The following ATG16L1 variants were observed in gnomAD, a reference collection of about 807,000 sequenced individuals.
ATG16L1 encodes the protein autophagy related 16 like 1.
In ATG16L1, 37 loss-of-function variants were observed where a neutral mutation model predicts 88.5. The ratio of observed to expected loss-of-function variants is 0.42; its 90% CI spans 0.32 to 0.55. The LOEUF is 0.55. ATG16L1 is among the 20% of genes least tolerant of loss of function. The pLI is 0.13. For missense variants in ATG16L1, 554 were observed against 752.8 expected (o/e 0.74, Z 3.09); for synonymous variants, 301 against 281.0 (o/e 1.07, Z -0.71).
chr2:233,282,922 CTT>C (rs985034350), intron 12 of ATG16L1, 169 bp downstream of exon 12: 2 of 593,676 alleles, frequency 3.4e-6, no homozygotes, highest in East Asian at 3.0e-5. Context: ...ACTTTATACT[CTT>C]TGTCCAAAAC....
rs929377300 is a variant in ATG16L1 at position 233,251,739 on chromosome 2, C to T, written c.-89C>T. On this transcript the variant is annotated 5_prime_UTR_variant, in exon 1 of 18. Coordinates refer to ENST00000392017, the MANE Select transcript of ATG16L1 (RefSeq NM_030803.7). Reference sequence around the variant, plus strand: ...GTGAGCTCCGGGATTGCCGGCATTCCCGCTTCTGCTGGTTGCTTCATGCTG... The same window carrying T: ...GTGAGCTCCGGGATTGCCGGCATTCTCGCTTCTGCTGGTTGCTTCATGCTG... The T allele has an allele frequency of 2.6e-5, 32 of 1,243,824 alleles. No individual in the cohort carries two copies. In the African/African-American group the frequency reaches 3.6e-4, roughly 14 times the overall value. 77.0% of individuals were successfully genotyped at this position (1,243,824 alleles called of 1,614,324 possible).
chr2:233,270,498 A>G (rs1163582493), intron 6 of ATG16L1, among the ~76,000 whole-genome samples: 1 of 152,210 alleles, frequency 6.6e-6, no homozygotes, highest in East Asian at 1.9e-4. Flanking sequence ...TGTGTTCATC[A>G]GCTGTGAATG....
intron 8 of ATG16L1, 173 bp from the exon 9 acceptor site, chr2:233,274,503 G>A (rs1698208637): frequency 1.9e-6 from 1 of 527,608 alleles, no homozygotes; most frequent in African/African-American, 1.9e-5. Flanking sequence ...ATTTGAGTGA[G>A]GGTGCTTTTG....
intron 17 of ATG16L1, among the ~76,000 whole-genome samples, 173 bp downstream of exon 17, chr2:233,293,530 A>G (rs546417253): frequency 6.6e-6 from 1 of 152,292 alleles, no homozygotes; most frequent in East Asian, 1.9e-4. Flanking sequence ...CACACAGCAC[A>G]GCAGGCCACA....
intron 2 of ATG16L1, among the ~76,000 whole-genome samples, chr2:233,262,662 C>A (rs1441254289): frequency 6.6e-6 from 1 of 152,198 alleles, no homozygotes; most frequent in Non-Finnish European, 1.5e-5. Context: ...GAGAAACCCT[C>A]CTCAATTACG....
Position 233,292,140 on chromosome 2 carries a change from A to G in ATG16L1, c.1443A>G (p.Ile481Met), listed in dbSNP as rs1419694524. Reference sequence around the variant, plus strand: ...TTCTCCCTCTTAGATCAGAGAGCATAGTTCGAGAGATGGAGCTGTTGGGAA... The same window carrying G: ...TTCTCCCTCTTAGATCAGAGAGCATGGTTCGAGAGATGGAGCTGTTGGGAA... Reference protein sequence around the residue: ...IRFWDIRSESIVREMELLGKI... With the variant: ...IRFWDIRSESMVREMELLGKI... The change falls in exon 15 of 18, where the codon ATA becomes ATG. Residue 481 changes from isoleucine (I) to methionine (M), a missense_variant. Ile to Met is a conservative substitution (Grantham distance 10). Coordinates refer to ENST00000392017, the MANE Select transcript of ATG16L1 (RefSeq NM_030803.7). 8 of 1,614,218 alleles carry G rather than the reference A, an allele frequency of 5.0e-6. No homozygotes were observed. Among genetic ancestry groups the G allele is most frequent in the South Asian group, 1.1e-5 (1 of 91,088 alleles).
intron 5 of ATG16L1, among the ~76,000 whole-genome samples, chr2:233,268,756 T>C (rs752968582): frequency 3.9e-5 from 6 of 152,222 alleles, no homozygotes; most frequent in African/African-American, 7.2e-5. Context: ...GTAAAACTTA[T>C]TTTTCATCTT....
rs1473651167 is a variant in ATG16L1, at chr2:233,295,005, T to TTGTTTTTG, written c.*657_*658insTTTTTGTG. ...AATGGTTTTTTGTTTTTTTGTTTTTTTGAGGTGGGAGAGGATGTGTGAAAA... is the reference window on the plus strand; with the variant it reads ...AATGGTTTTTTGTTTTTTTGTTTTTTTGTTTTTGTGAGGTGGGAGAGGATGTGTGAAAA... On this transcript the variant is annotated 3_prime_UTR_variant, in exon 18 of 18. Transcript: ENST00000392017. The TTGTTTTTG allele has an allele frequency of 1.3e-5, 2 of 152,416 alleles. No individual in the cohort carries two copies. Among genetic ancestry groups the TTGTTTTTG allele is most frequent in the Non-Finnish European group, 2.9e-5 (2 of 68,044 alleles). 9.4% of individuals were successfully genotyped at this position (152,416 alleles called of 1,614,324 possible). A position where few individuals can be genotyped will look rare whatever the true frequency, so the allele number is the denominator to read the frequency against.
chr2:233,265,419 C>T (rs1351426821), intron 5 of ATG16L1, among the ~76,000 whole-genome samples: 2 of 152,334 alleles, frequency 1.3e-5, no homozygotes, highest in East Asian at 3.9e-4. Flanking sequence ...AGACTATAAT[C>T]CAACCTTATA....
At chr2:233,282,581 T>G in intron 11 of ATG16L1, 101 bp from the exon 12 acceptor site, 1 of 1,070,488 alleles carries the variant, frequency 9.3e-7, no homozygotes, top group African/African-American at 1.6e-5. Flanking sequence ...GGGTGAAGCA[T>G]CTAAACCTTC....
intron 2 of ATG16L1, among the ~76,000 whole-genome samples, chr2:233,259,601 G>GT (rs1359287438): frequency 2.0e-5 from 3 of 152,192 alleles, no homozygotes; most frequent in Non-Finnish European, 4.4e-5. Context: ...GGCAAGGCAG[G>GT]TTGAACGGTG....
intron 2 of ATG16L1, among the ~76,000 whole-genome samples, chr2:233,256,603 G>A (rs1696792106): frequency 6.6e-6 from 1 of 151,950 alleles, no homozygotes; most frequent in African/African-American, 2.4e-5. Context: ...CCTGCAGTAT[G>A]GGTCTATTTG....
intron 3 of ATG16L1, among the ~76,000 whole-genome samples, chr2:233,263,622 C>T (rs905908891): frequency 2.0e-5 from 3 of 152,212 alleles, no homozygotes; most frequent in Non-Finnish European, 4.4e-5. Context: ...AAGTCCTAGG[C>T]TGTGTTCGCC....
intron 1 of ATG16L1, 105 bp from the exon 2 acceptor site, chr2:233,255,997 G>A (rs1269206753): frequency 1.1e-5 from 9 of 835,900 alleles, no homozygotes; most frequent in East Asian, 8.1e-5. Context: ...GCTGAGGAAT[G>A]TATGTTCCTG....
At chr2:233,254,969 G>GTTTATTTA (rs36078120) in intron 1 of ATG16L1, among the ~76,000 whole-genome samples, 20 of 150,340 alleles carry the variant, frequency 1.3e-4, no homozygotes, top group African/African-American at 4.4e-4. Context: ...CATTTCATTT[G>GTTTATTTA]TTTATTTATT....
chr2:233,287,461 A>G (rs1411316511), intron 12 of ATG16L1, among the ~76,000 whole-genome samples: 3 of 152,216 alleles, frequency 2.0e-5, no homozygotes, highest in East Asian at 1.9e-4. Context: ...GCCATATCCC[A>G]CTTATGAACA....
chr2:233,266,974 AAG>A (rs1484882934), intron 5 of ATG16L1, among the ~76,000 whole-genome samples: 1 of 152,156 alleles, frequency 6.6e-6, no homozygotes, highest in African/African-American at 2.4e-5. Flanking sequence ...AGAGCATGGG[AAG>A]AGTAGTGGGG....
intron 13 of ATG16L1, 54 bp downstream of exon 13, chr2:233,290,028 G>A: frequency 6.2e-7 from 1 of 1,600,594 alleles, no homozygotes; most frequent in South Asian, 1.1e-5. Context: ...TAGCGTGGAG[G>A]TGTGTGTTTG....
At chr2:233,275,735 A>G (rs1446724032) in intron 9 of ATG16L1, 2 of 519,102 alleles carry the variant, frequency 3.9e-6, no homozygotes, top group South Asian at 1.4e-5. Context: ...GAGGTCGATG[A>G]TGATTGGTAA....
Sources: gnomAD v4.1 joint callset for allele counts (sites outside exome capture counted in the v4.1 genomes callset) on GRCh38, gnomAD v4.1.1 for gene constraint, MANE v1.5 for transcripts, NCBI Gene and HGNC (gene_info 2026-07-23, HGNC 2026-07-21) for gene names.